Variants in RANBP2 observed in about 807,000 individuals in gnomAD.
RANBP2 encodes E3 SUMO-protein ligase RanBP2.
A neutral mutation model predicts 303.6 loss-of-function variants in RANBP2; 57 were observed. The ratio of observed to expected loss-of-function variants is 0.19; its 90% CI spans 0.15 to 0.23. RANBP2 has a LOEUF of 0.23. Among genes scored for constraint, RANBP2 ranks in the 10% least tolerant of loss-of-function variants. RANBP2 has a pLI of 1.00. For synonymous variants in RANBP2, 1,167 were observed against 1,301.5 expected (o/e 0.90, Z 2.23); for missense variants, 3,138 against 3,780.8 (o/e 0.83, Z 4.46).
chr2:109,031,646 C>G, the RANBP2 span, among the ~76,000 whole-genome samples: 1 of 152,136 alleles, frequency 6.6e-6, no homozygotes, highest in African/African-American at 2.4e-5. Context: ...GGCCGGGAAG[C>G]GCCCGCTGGA....
the RANBP2 span, among the ~76,000 whole-genome samples, chr2:109,206,954 T>C: frequency 2.0e-5 from 3 of 152,234 alleles, no homozygotes; most frequent in East Asian, 1.9e-4. Context: ...TGGCTTGTTA[T>C]GGTTGCCTGG....
the RANBP2 span, among the ~76,000 whole-genome samples, chr2:109,674,852 T>C: frequency 6.6e-6 from 1 of 152,218 alleles, no homozygotes; most frequent in Non-Finnish European, 1.5e-5. Context: ...TTCCATAGTG[T>C]AGCTTTAACT....
the RANBP2 span, chr2:108,798,535 A>G: frequency 9.6e-5 from 155 of 1,613,732 alleles, no homozygotes; most frequent in Non-Finnish European, 1.2e-4. Context: ...CCTTGAGTAA[A>G]ATTAAAGGTG....
the RANBP2 span, among the ~76,000 whole-genome samples, chr2:108,872,789 G>C: frequency 0.041 from 6,263 of 152,166 alleles, 435 homozygotes; most frequent in African/African-American, 0.14. Flanking sequence ...GTTCTACAGA[G>C]GACAAGCATT....
chr2:108,935,777 C>T, the RANBP2 span, among the ~76,000 whole-genome samples: 1 of 152,206 alleles, frequency 6.6e-6, no homozygotes, highest in African/African-American at 2.4e-5. Context: ...AAGGACGGTG[C>T]CAGACAGATA....
At chr2:109,454,239 G>A in the RANBP2 span, among the ~76,000 whole-genome samples, 30 of 152,288 alleles carry the variant, frequency 2.0e-4, no homozygotes, top group Admixed American at 1.2e-3. Context: ...TCACATGGTC[G>A]TGGCTGGTAT....
the RANBP2 span, among the ~76,000 whole-genome samples, chr2:108,798,045 G>A: frequency 1.3e-5 from 2 of 150,554 alleles, no homozygotes; most frequent in African/African-American, 4.9e-5. Context: ...TCTAGACCTC[G>A]TTCTTTCAGC....
the RANBP2 span, among the ~76,000 whole-genome samples, chr2:109,050,366 A>G: frequency 2.0e-5 from 3 of 151,514 alleles, no homozygotes; most frequent in Admixed American, 2.0e-4. Flanking sequence ...TAATCCTCCC[A>G]CCTCAGCCTC....
At chr2:109,499,809 A>G in the RANBP2 span, among the ~76,000 whole-genome samples, 2 of 152,134 alleles carry the variant, frequency 1.3e-5, no homozygotes, top group Non-Finnish European at 2.9e-5. Flanking sequence ...TCATAGCCGG[A>G]CACTAGTGAA....
At chr2:109,549,899 T>C in the RANBP2 span, among the ~76,000 whole-genome samples, 1 of 152,188 alleles carries the variant, frequency 6.6e-6, no homozygotes, top group Non-Finnish European at 1.5e-5. Flanking sequence ...TTTCAGACCG[T>C]AGTTGACCAT....
the RANBP2 span, among the ~76,000 whole-genome samples, chr2:109,044,392 G>A: frequency 5.3e-4 from 81 of 151,952 alleles, no homozygotes; most frequent in Middle Eastern, 3.4e-3. Flanking sequence ...GTATGGTGGC[G>A]GACACCTGTA....
At position 108,777,114 on chromosome 2, in the gene RANBP2, T is replaced by C; in HGVS notation, c.8498-16T>C. ...CACAAATTAAATAGTAAATTGTTCT[T>C]TTTTTCTTTTGCCAGGGGAAAGCAA... is the stretch of plus-strand genomic sequence containing the variant. On this transcript the variant is annotated splice_polypyrimidine_tract_variant and intron_variant, in intron 24 of 28. Transcript: ENST00000283195. 1.9e-6 allele frequency: 3 copies of C among 1,610,250 alleles called. No homozygotes were observed. Among genetic ancestry groups the C allele is most frequent in the Non-Finnish European group, 1.7e-6 (2 of 1,177,118 alleles).
chr2:109,446,803 C>T, the RANBP2 span, among the ~76,000 whole-genome samples: 6 of 152,022 alleles, frequency 3.9e-5, no homozygotes, highest in Non-Finnish European at 5.9e-5. Flanking sequence ...CAAAGTAGTG[C>T]GGCAGGCGAG....
At chr2:109,692,188 A>C in the RANBP2 span, among the ~76,000 whole-genome samples, 1 of 152,110 alleles carries the variant, frequency 6.6e-6, no homozygotes, top group Non-Finnish European at 1.5e-5. Context: ...AGCAGAAAAA[A>C]GCCAGACACG....
At chr2:109,633,088 T>C in the RANBP2 span, among the ~76,000 whole-genome samples, 12 of 151,788 alleles carry the variant, frequency 7.9e-5, no homozygotes, top group African/African-American at 2.9e-4. Context: ...AACGAAGACA[T>C]GATTTTAAAA....
At chr2:109,266,520 G>A in the RANBP2 span, among the ~76,000 whole-genome samples, 3 of 152,074 alleles carry the variant, frequency 2.0e-5, no homozygotes, top group Non-Finnish European at 4.4e-5. Flanking sequence ...AACTCTCATT[G>A]TTCTCCTCAA....
At chr2:109,625,087 C>CAAAAAAAAAAAAAAAA in the RANBP2 span, among the ~76,000 whole-genome samples, 4 of 60,114 alleles carry the variant, frequency 6.7e-5, no homozygotes, top group East Asian at 5.1e-4. Flanking sequence ...ACAACAACAA[C>CAAAAAAAAAAAAAAAA]AAAAAAAAAA....
At chr2:108,896,355 C>G in the RANBP2 span, 1 of 154,016 alleles carries the variant, frequency 6.5e-6, no homozygotes, top group East Asian at 1.9e-4. Flanking sequence ...GCCATTTTAT[C>G]AAAATGTTTG....
At chr2:109,271,283 A>G in the RANBP2 span, among the ~76,000 whole-genome samples, 2 of 152,168 alleles carry the variant, frequency 1.3e-5, no homozygotes, top group Non-Finnish European at 2.9e-5. Flanking sequence ...GGAGTCTCCT[A>G]CCTTGTTTGG....
Sources: gnomAD v4.1 joint callset for allele counts (sites outside exome capture counted in the v4.1 genomes callset) on GRCh38, gnomAD v4.1.1 for gene constraint, MANE v1.5 for transcripts, NCBI Gene and HGNC (gene_info 2026-07-23, HGNC 2026-07-21) for gene names.